The following CACNA1C variants were observed in gnomAD, a reference collection of about 807,000 sequenced individuals.
CACNA1C encodes the protein voltage-dependent L-type calcium channel subunit alpha-1C.
CACNA1C carries 30 observed loss-of-function variants against 229.0 expected under a neutral mutation model. The observed-to-expected ratio is 0.13, with a 90% CI of 0.10 to 0.18. The LOEUF (loss-of-function observed/expected upper bound fraction) is 0.18, where lower values mean the gene tolerates loss of function less well. Among genes scored for constraint, CACNA1C ranks in the 10% least tolerant of loss-of-function variants. CACNA1C has a pLI of 1.00. For missense variants in CACNA1C, 1,658 were observed against 2,845.0 expected (o/e 0.58, Z 9.49); for synonymous variants, 1,114 against 1,132.5 (o/e 0.98, Z 0.33).
chr12:2,249,176 T>C (rs2074542391), intron 3 of CACNA1C, among the ~76,000 whole-genome samples: 1 of 152,176 alleles, frequency 6.6e-6, no homozygotes, highest in Non-Finnish European at 1.5e-5. Flanking sequence ...AGTTAATTCA[T>C]GTGACTGGGC....
chr12:2,109,664 A>G (rs184119477), intron 1 of CACNA1C, among the ~76,000 whole-genome samples: 1 of 152,274 alleles, frequency 6.6e-6, no homozygotes, highest in East Asian at 1.9e-4. Flanking sequence ...TCTGTTTTTA[A>G]AAGGTGACTT....
At chr12:2,063,489 TCTGA>T (rs1480940366) in intron 1 of CACNA1C, among the ~76,000 whole-genome samples, 2 of 152,204 alleles carry the variant, frequency 1.3e-5, no homozygotes, top group African/African-American at 4.8e-5. Flanking sequence ...TGCTGTGTAG[TCTGA>T]CTGTTGATAA....
At chr12:2,398,463 G>A (rs1378868730) in intron 3 of CACNA1C, among the ~76,000 whole-genome samples, 5 of 152,190 alleles carry the variant, frequency 3.3e-5, no homozygotes, top group Admixed American at 2.6e-4. Context: ...GTGCTGAGTC[G>A]GGCAGAGCTC....
intron 3 of CACNA1C, among the ~76,000 whole-genome samples, chr12:2,281,493 A>C (rs371781105): frequency 6.6e-6 from 1 of 152,138 alleles, no homozygotes; most frequent in South Asian, 2.1e-4. Context: ...TAGCTTTTCT[A>C]TGTCTGAAGA....
intron 3 of CACNA1C, among the ~76,000 whole-genome samples, chr12:2,200,414 G>A (rs1203551590): frequency 1.3e-5 from 2 of 152,206 alleles, no homozygotes; most frequent in African/African-American, 4.8e-5. Flanking sequence ...GGTTGTCAGG[G>A]TGGGTGGTAG....
At position 2,450,288 on chromosome 12, in the gene CACNA1C, C is replaced by T. The variant is rs970533708; in HGVS notation, c.617+1173C>T. Among the ~76,000 whole-genome samples, 32 of 152,244 alleles carry T rather than the reference C, an allele frequency of 2.1e-4. No homozygotes were observed. The East Asian group carries it at 2.9e-3, about 14-fold the overall frequency. The stretch of plus-strand genomic sequence containing the variant: ...ATGCAGGTGAGGTCAGGCGCGGTGG[C>T]TCACACCTGTAATCCCAGCACTTTG... On this transcript the variant is annotated intron_variant, in intron 4 of 46. Transcript: ENST00000399655.
chr12:2,245,350 G>T (rs958982495), intron 3 of CACNA1C, among the ~76,000 whole-genome samples: 3 of 152,118 alleles, frequency 2.0e-5, no homozygotes, highest in African/African-American at 4.8e-5. Flanking sequence ...TTAGCCACCC[G>T]GGTTTAAATT....
chr12:2,528,391 T>G (rs2154581170), intron 9 of CACNA1C, among the ~76,000 whole-genome samples: 1 of 152,264 alleles, frequency 6.6e-6, no homozygotes, highest in East Asian at 1.9e-4. Flanking sequence ...CCAGAGGAAT[T>G]CAGTTGATTC....
chr12:2,620,053 C>T (rs2082477104), intron 29 of CACNA1C, among the ~76,000 whole-genome samples: 1 of 152,196 alleles, frequency 6.6e-6, no homozygotes, highest in Admixed American at 6.5e-5. Flanking sequence ...TGGAGGGAAG[C>T]AAACAACATA....
Position 2,337,134 on chromosome 12 carries a change from G to A in CACNA1C, c.478-111842G>A, listed in dbSNP as rs374660383. Reference sequence around the variant, plus strand: ...CCACAGGCTTGTGGGAGGAAGATAAGCAGGTAGAGAGGCAGCCTGGCTGCA... The same window carrying A: ...CCACAGGCTTGTGGGAGGAAGATAAACAGGTAGAGAGGCAGCCTGGCTGCA... On this transcript the variant is annotated intron_variant, in intron 3 of 46. Coordinates refer to ENST00000399655, the MANE Select transcript of CACNA1C (RefSeq NM_000719.7). Among the ~76,000 whole-genome samples, 32 of 152,310 alleles carry A rather than the reference G, an allele frequency of 2.1e-4. No individual in the cohort carries two copies. The East Asian group carries it at 5.0e-3, about 24-fold the overall frequency.
chr12:2,158,598 G>C (rs1322137955), intron 3 of CACNA1C, among the ~76,000 whole-genome samples: 2 of 152,166 alleles, frequency 1.3e-5, no homozygotes, highest in Non-Finnish European at 2.9e-5. Context: ...TTTACCCGCA[G>C]CCATGTGGGA....
chr12:2,413,984 G>T (rs2098836895), intron 3 of CACNA1C, among the ~76,000 whole-genome samples: 2 of 152,124 alleles, frequency 1.3e-5, no homozygotes, highest in African/African-American at 4.8e-5. Context: ...ACCCAAGGCT[G>T]CCCCCAAAAC....
chr12:2,311,021 A>G (rs148868754), intron 3 of CACNA1C, among the ~76,000 whole-genome samples: 1 of 152,218 alleles, frequency 6.6e-6, no homozygotes, highest in East Asian at 1.9e-4. Context: ...CTAAACCCTC[A>G]TCCTAGGCTT....
chr12:2,405,570 T>C (rs2098728247), intron 3 of CACNA1C, among the ~76,000 whole-genome samples: 1 of 152,236 alleles, frequency 6.6e-6, no homozygotes, highest in South Asian at 2.1e-4. Context: ...ACCTCTAGTG[T>C]TTTTGAGTAT....
rs185933767 is a variant in CACNA1C, at chr12:2,007,913, C to G, written c.139+36712C>G. 5.8e-3 allele frequency among the ~76,000 whole-genome samples: 879 copies of G among 152,194 alleles called. 5 individuals carry two copies. Among genetic ancestry groups the G allele is most frequent in the South Asian group, 0.013 (63 of 4,824 alleles). On this transcript the variant is annotated intron_variant, in intron 1 of 46. Transcript: ENST00000682462. Reference sequence around the variant, plus strand: ...TGGCACTTAGCTCACTTTATCCTGACTTAGACTTATTTATTTACTACGTTA... The same window carrying G: ...TGGCACTTAGCTCACTTTATCCTGAGTTAGACTTATTTATTTACTACGTTA...
chr12:2,603,516 G>C (rs571597796), intron 22 of CACNA1C: 61 of 152,364 alleles, frequency 4.0e-4, no homozygotes, highest in African/African-American at 1.4e-3. Flanking sequence ...GCCCGTGAGG[G>C]TTAGGATGTG....
intron 10 of CACNA1C, among the ~76,000 whole-genome samples, chr12:2,550,940 G>A (rs2099900049): frequency 6.6e-6 from 1 of 152,204 alleles, no homozygotes; most frequent in South Asian, 2.1e-4. Flanking sequence ...CTGGCACCAG[G>A]GAGTCTGCAC....
At chr12:2,454,823 C>T (rs1409643177) in intron 4 of CACNA1C, among the ~76,000 whole-genome samples, 1 of 152,208 alleles carries the variant, frequency 6.6e-6, no homozygotes, top group South Asian at 2.1e-4. Context: ...TTCACGTTTT[C>T]AGCTGATGGC....
chr12:2,091,074 C>T (rs1565620166), intron 1 of CACNA1C, among the ~76,000 whole-genome samples: 2 of 152,230 alleles, frequency 1.3e-5, no homozygotes, highest in African/African-American at 4.8e-5. Flanking sequence ...GAGGATTTCT[C>T]TTTCTGCTCT....
Sources: gnomAD v4.1 joint callset for allele counts (sites outside exome capture counted in the v4.1 genomes callset) on GRCh38, gnomAD v4.1.1 for gene constraint, MANE v1.5 for transcripts, NCBI Gene and HGNC (gene_info 2026-07-23, HGNC 2026-07-21) for gene names.